Variants in MASP2 observed in about 807,000 individuals in gnomAD.
The protein encoded by MASP2 is mannan-binding lectin serine protease 2.
A neutral mutation model predicts 57.1 loss-of-function variants in MASP2; 49 were observed. The observed-to-expected ratio is 0.86, with a 90% CI of 0.68 to 1.09. The LOEUF is 1.09. MASP2 is among the 50% of genes least tolerant of loss of function. The pLI is 0.00. For missense variants in MASP2, 900 were observed against 874.8 expected, an observed-to-expected ratio of 1.03 and a Z score of -0.36; for synonymous variants, 379 against 340.8, an observed-to-expected ratio of 1.11 and a Z score of -1.24.
intron 6 of MASP2, among the ~76,000 whole-genome samples, chr1:11,040,155 G>A (rs1475586599): frequency 6.6e-6 from 1 of 151,942 alleles, no homozygotes; most frequent in African/African-American, 2.4e-5. Flanking sequence ...ATGGGTAGGT[G>A]GGTGGGTAGA....
chr1:11,036,101 G>A (rs949169735), intron 7 of MASP2, among the ~76,000 whole-genome samples: 4 of 152,098 alleles, frequency 2.6e-5, no homozygotes, highest in African/African-American at 9.7e-5. Flanking sequence ...AACATTTTTC[G>A]ACTTGCTAAG....
At chr1:11,044,680 G>T in intron 4 of MASP2, 1 of 944,678 alleles carries the variant, frequency 1.1e-6, no homozygotes, top group Non-Finnish European at 1.5e-6. Flanking sequence ...GGAGCCTGTG[G>T]CCCCATGGAG....
Position 11,027,331 on chromosome 1 carries a change from TC to T in MASP2, c.1614del (p.Asn539IlefsTer5), listed in dbSNP as rs1643754748. ...GFDNDIALIKLNNKVVINSNI... is the reference protein window; with the variant it reads ...GFDNDIALIKXNNKVVINSNI... ...TTGCTATTGATTACAACTTTGTTAT[TC>T]AATTTAATCAGTGCTATGTCATTGT... On this transcript the variant is annotated frameshift_variant, in exon 11 of 11. Transcript: ENST00000400897. LOFTEE classifies it low-confidence loss of function (END_TRUNC). The T allele has an allele frequency of 1.2e-6, 2 of 1,614,080 alleles. No individual in the cohort carries two copies. The highest frequency in any genetic ancestry group is 1.7e-6 in the Non-Finnish European group (2 of 1,179,966).
chr1:11,044,996 A>G (rs773427646), intron 4 of MASP2: 3 of 1,595,898 alleles, frequency 1.9e-6, no homozygotes, highest in Non-Finnish European at 2.6e-6. Context: ...ACCGAGAGGG[A>G]GAAACCGAGT....
At chr1:11,039,312 T>C (rs1159199698) in intron 6 of MASP2, among the ~76,000 whole-genome samples, 1 of 151,774 alleles carries the variant, frequency 6.6e-6, no homozygotes, top group Non-Finnish European at 1.5e-5. Flanking sequence ...GATGGAATGA[T>C]GGGTGGATGG....
Position 11,026,692 on chromosome 1 carries a change from G to T in MASP2, c.*193C>A, listed in dbSNP as rs1643738160. 2.3e-6 allele frequency: 1 copy of T among 426,242 alleles called. No homozygotes were observed. The highest frequency in any genetic ancestry group is 2.1e-5 in the African/African-American group (1 of 48,760). The allele number at this position is 426,242 out of a possible 1,614,324, so 26.4% of individuals were successfully genotyped here. A position where few individuals can be genotyped will look rare whatever the true frequency, so the allele number is the denominator to read the frequency against. ...TCACTCTCGTGGTTTATGTCCCCTTGAGTCAATGGGTAAGGCTGGAATTAA... is the reference window on the plus strand; with the variant it reads ...TCACTCTCGTGGTTTATGTCCCCTTTAGTCAATGGGTAAGGCTGGAATTAA... On this transcript the variant is annotated 3_prime_UTR_variant, in exon 11 of 11. Transcript: ENST00000400897.
In MASP2 at chr1:11,043,326, C is replaced by G. The variant is rs770777702; in HGVS notation, c.741+13G>C. 1.3e-6 allele frequency: 2 copies of G among 1,596,016 alleles called. No individual in the cohort carries two copies. Among genetic ancestry groups the G allele is most frequent in the South Asian group, 2.3e-5 (2 of 88,484 alleles). Reference sequence around the variant, plus strand: ...GAGGATCTGGGACAAGATGAGGGGCCCAGGAGCCAGACCTTGAGAAAGTCG... The same window carrying G: ...GAGGATCTGGGACAAGATGAGGGGCGCAGGAGCCAGACCTTGAGAAAGTCG... On this transcript the variant is annotated intron_variant, in intron 5 of 10. Transcript: ENST00000400897.
At chr1:11,033,856 C>G (rs1017874357) in intron 8 of MASP2, among the ~76,000 whole-genome samples, 1 of 147,702 alleles carries the variant, frequency 6.8e-6, no homozygotes, top group African/African-American at 2.5e-5. Flanking sequence ...TCTCTTGAAC[C>G]CGGGAGGCAG....
At chr1:11,042,425 T>C (rs201555304) in intron 6 of MASP2, among the ~76,000 whole-genome samples, 1 of 45,588 alleles carries the variant, frequency 2.2e-5, no homozygotes, top group East Asian at 1.4e-3. Flanking sequence ...GATGGATGGA[T>C]GGATGGATGG....
rs771256254 is a variant in MASP2, at chr1:11,045,322, G to A, written c.544+86C>T. 28 of 1,593,042 alleles carry A rather than the reference G, an allele frequency of 1.8e-5. 1 individual carries two copies. In the South Asian group the frequency reaches 2.8e-4, roughly 16 times the overall value. On this transcript the variant is annotated intron_variant, in intron 4 of 10. Transcript: ENST00000400897. Reference sequence around the variant, plus strand: ...CCAGTGTCCAGGGCCCAGGCCCTCCGCACCCCTGGGCAGAGCAGCAATGGC... The same window carrying A: ...CCAGTGTCCAGGGCCCAGGCCCTCCACACCCCTGGGCAGAGCAGCAATGGC...
At chr1:11,046,211 C>T in intron 3 of MASP2, 1 of 369,314 alleles carries the variant, frequency 2.7e-6, no homozygotes, top group Non-Finnish European at 5.2e-6. Context: ...TAGAGTTTCA[C>T]CGTGTTGCCC....
Position 11,046,599 on chromosome 1 carries a change from G to A in MASP2, c.369C>T (p.Asn123=), listed in dbSNP as rs764259519. ...CCTCGAACCCCGTGAACGGCTTCTC[G>A]TTGGAGTAGTCGGAGCGGAAGGTAA... is the stretch of plus-strand genomic sequence containing the variant. The part of the protein sequence containing the change: ...LDITFRSDYS[N]EKPFTGFEAF... The change falls in exon 3 of 11, where the codon AAC becomes AAT. Residue 123 remains asparagine, a synonymous_variant. Coordinates refer to ENST00000400897, the MANE Select transcript of MASP2 (RefSeq NM_006610.4). 5.9e-5 allele frequency: 96 copies of A among 1,613,716 alleles called. No homozygotes were observed. The highest frequency in any genetic ancestry group is 5.9e-5 in the Non-Finnish European group (70 of 1,180,044).
chr1:11,030,729 CT>C lies in MASP2; in HGVS notation c.1222+18del. On this transcript the variant is annotated intron_variant, in intron 9 of 10. Transcript: ENST00000400897. ...AGTTCCAAGTATTGCCCACCCCCAA[CT>C]TTGAAGAATTTGCATACCATCATTC... 1 of 1,583,940 alleles carries C rather than the reference CT, an allele frequency of 6.3e-7. No homozygotes were observed. The highest frequency in any genetic ancestry group is 8.6e-7 in the Non-Finnish European group (1 of 1,167,726).
chr1:11,037,673 T>G lies in MASP2; in HGVS notation c.1008+20A>C. 6 of 1,443,384 alleles carry G rather than the reference T, an allele frequency of 4.2e-6. No individual in the cohort carries two copies. Among genetic ancestry groups the G allele is most frequent in the Non-Finnish European group, 5.8e-6 (6 of 1,037,716 alleles). The allele number at this position is 1,443,384 out of a possible 1,614,324, so 89.4% of individuals were successfully genotyped here. ...TCAAAGCAATCGTCATTGATCGTGG[T>G]GTACTTTGTTTTAACTCACTTGCAG... On this transcript the variant is annotated intron_variant, in intron 7 of 10. Transcript: ENST00000400897.
rs760909511 is a variant in MASP2 at position 11,043,361 on chromosome 1, A to G, written c.719T>C (p.Leu240Pro). The change falls in exon 5 of 11, where the codon CTG (leucine) becomes CCG (proline). Residue 240 changes from leucine (L) to proline (P), a missense_variant. Physicochemically the swap from Leu to Pro is moderately conservative, Grantham distance 98 (BLOSUM62 -3). Coordinates refer to ENST00000400897, the MANE Select transcript of MASP2 (RefSeq NM_006610.4). ...GACCTTGAGAAAGTCGTAGGGACAC[A>G]GGGTTTCAGGGTGTGTCTCCACATC... The part of the protein sequence containing the change: ...SFDVETHPET[L>P]CPYDFLKIQT... 6.2e-7 allele frequency: 1 copy of G among 1,608,114 alleles called. No homozygotes were observed. The highest frequency in any genetic ancestry group is 1.1e-5 in the South Asian group (1 of 89,870).
intron 6 of MASP2, 21 bp downstream of exon 6, chr1:11,042,854 A>T (rs1374021789): frequency 6.2e-7 from 1 of 1,612,794 alleles, no homozygotes; most frequent in Admixed American, 1.7e-5. Flanking sequence ...TCCAGCCAAG[A>T]TCTGAGACCC....
In MASP2 at chr1:11,042,946, G is replaced by A. The variant is rs141592611; in HGVS notation, c.818C>T (p.Thr273Met). ...LPHRIETKSN[T>M]VTITFVTDES... ...ATCTGTGACAAAGGTGATGGTCACC[G>A]TGTTGCTTTTTGTTTCAATCCTGTG... Residue 273 changes from threonine to methionine, a missense_variant, in exon 6 of 11, where the codon ACG becomes ATG. Coordinates refer to ENST00000400897, the MANE Select transcript of MASP2 (RefSeq NM_006610.4). 1.1e-5 allele frequency: 17 copies of A among 1,613,850 alleles called. No homozygotes were observed. The highest frequency in any genetic ancestry group is 1.6e-4 in the Middle Eastern group (1 of 6,082).
At chr1:11,028,696 G>GTTTT (rs1643781395) in intron 10 of MASP2, among the ~76,000 whole-genome samples, 1 of 104,634 alleles carries the variant, frequency 9.6e-6, no homozygotes, top group African/African-American at 4.1e-5. Context: ...TATCTTTCTG[G>GTTTT]GTTTTTTTTC....
intron 6 of MASP2, among the ~76,000 whole-genome samples, chr1:11,042,580 T>C (rs562734582): frequency 1.3e-5 from 2 of 150,554 alleles, no homozygotes; most frequent in South Asian, 2.1e-4. Context: ...GTTGGAAGGA[T>C]GAGGGGACAG....
Sources: allele counts gnomAD v4.1 joint callset (sites outside exome capture counted in the v4.1 genomes callset), GRCh38; gene constraint gnomAD v4.1.1; transcripts MANE v1.5; gene names NCBI Gene and HGNC (gene_info 2026-07-23, HGNC 2026-07-21).